EPHA6: variants seen among roughly 807,000 people sequenced by gnomAD.
EPHA6 encodes EPH receptor A6.
In EPHA6, 50 loss-of-function variants were observed where a neutral mutation model predicts 112.0. The ratio of observed to expected loss-of-function variants is 0.45; its 90% CI spans 0.36 to 0.56. EPHA6 has a LOEUF of 0.56. Ranked by LOEUF, EPHA6 falls within the 20% of genes least tolerant of loss-of-function variation. The pLI, the probability that EPHA6 is intolerant of heterozygous loss-of-function variation, is 0.00. For missense variants in EPHA6, 1,280 were observed against 1,417.4 expected (o/e 0.90, Z 1.56); for synonymous variants, 529 against 490.7 (o/e 1.08, Z -1.03).
chr3:97,741,476 C>T (rs1051879408), intron 16 of EPHA6, among the ~76,000 whole-genome samples: 4 of 152,114 alleles, frequency 2.6e-5, no homozygotes, highest in African/African-American at 9.7e-5. Context: ...TCAACAATAA[C>T]TATGACTGCC....
At chr3:96,832,812 TAAG>T (rs1461118569) in intron 1 of EPHA6, among the ~76,000 whole-genome samples, 1 of 152,030 alleles carries the variant, frequency 6.6e-6, no homozygotes, top group African/African-American at 2.4e-5. Context: ...AAGAAAAATT[TAAG>T]GAGAAAATTA....
At chr3:97,483,854 T>C in intron 9 of EPHA6, 80 bp from the exon 10 acceptor site, 21 of 1,379,712 alleles carry the variant, frequency 1.5e-5, no homozygotes, top group Non-Finnish European at 1.8e-5. Context: ...CAGTATGTCA[T>C]TTCCGGTTTT....
intron 3 of EPHA6, among the ~76,000 whole-genome samples, chr3:97,143,171 C>A (rs1222998675): frequency 2.0e-5 from 3 of 151,686 alleles, no homozygotes; most frequent in Admixed American, 6.6e-5. Context: ...AATAGACACA[C>A]ACACACACAC....
chr3:97,651,792 T>A (rs748448012), intron 14 of EPHA6, among the ~76,000 whole-genome samples: 1 of 151,970 alleles, frequency 6.6e-6, no homozygotes, highest in Non-Finnish European at 1.5e-5. Flanking sequence ...CCATCTTGCT[T>A]GTACAGAAAA....
At chr3:97,644,774 G>A (rs931911311) in intron 14 of EPHA6, among the ~76,000 whole-genome samples, 86 of 151,616 alleles carry the variant, frequency 5.7e-4, no homozygotes, top group Non-Finnish European at 1.0e-3. Flanking sequence ...AATAACAGGA[G>A]CTGAAATTGT....
chr3:97,656,820 T>C (rs1230289348), intron 14 of EPHA6, among the ~76,000 whole-genome samples: 3 of 151,986 alleles, frequency 2.0e-5, no homozygotes, highest in African/African-American at 7.2e-5. Flanking sequence ...TATTTTCATA[T>C]ATTCATATCA....
chr3:97,511,225 G>GAA, intron 10 of EPHA6, among the ~76,000 whole-genome samples: 1 of 147,202 alleles, frequency 6.8e-6, no homozygotes, highest in East Asian at 2.0e-4. Context: ...ACTGGGGTAT[G>GAA]AAAAAAAAAA....
At chr3:97,586,849 A>C (rs1034408209) in intron 11 of EPHA6, among the ~76,000 whole-genome samples, 6 of 152,208 alleles carry the variant, frequency 3.9e-5, no homozygotes, top group African/African-American at 1.4e-4. Context: ...TGCGCTTTGA[A>C]GTTATTCTTA....
At chr3:97,170,959 GTGTATCACTATGAAGTCAAAACA>G (rs1463825146) in intron 3 of EPHA6, among the ~76,000 whole-genome samples, 1 of 152,090 alleles carries the variant, frequency 6.6e-6, no homozygotes, top group Non-Finnish European at 1.5e-5. Context: ...CATATTGAAT[GTGTATCACTATGAAGTCAAAACA>G]TGTATCACCA....
At chr3:97,608,292 A>G (rs1440937506) in intron 12 of EPHA6, among the ~76,000 whole-genome samples, 1 of 151,266 alleles carries the variant, frequency 6.6e-6, no homozygotes, top group Non-Finnish European at 1.5e-5. Context: ...TATCTCCCAA[A>G]GAGTTATAGG....
At position 97,747,569 on chromosome 3, in the gene EPHA6, T is replaced by C. The variant is rs2035769715; in HGVS notation, c.3275T>C (p.Ile1092Thr). The stretch of plus-strand genomic sequence containing the variant: ...TTTGACCTGATTTCAAGAATGAGCA[T>C]TGAGTAAGTGATACTAGGTTTATTA... ...TTFDLISRMS[I>T]DDIRRIGVIL... is the part of the protein sequence containing the mutation. The change falls in exon 17 of 18, where the codon ATT becomes ACT. Residue 1092 changes from isoleucine to threonine, a missense_variant. Physicochemically the swap from Ile to Thr is moderately conservative, Grantham distance 89 (BLOSUM62 -1). This residue lies in a region of EPHA6 where 145 missense variants were observed against 153.3 expected (regional missense o/e 0.95). Transcript: ENST00000389672. The C allele has an allele frequency of 1.9e-6, 3 of 1,605,254 alleles. No individual in the cohort carries two copies. Among genetic ancestry groups the C allele is most frequent in the Non-Finnish European group, 1.7e-6 (2 of 1,175,760 alleles).
At chr3:96,938,172 GCATTGAAT>G (rs2040712110) in intron 2 of EPHA6, among the ~76,000 whole-genome samples, 1 of 151,948 alleles carries the variant, frequency 6.6e-6, no homozygotes, top group African/African-American at 2.4e-5. Flanking sequence ...GATGGGGATG[GCATTGAAT>G]CTATAAATTA....
chr3:97,587,729 T>C lies in EPHA6; in HGVS notation c.2387-4883T>C, dbSNP rs559909144. 2.6e-5 allele frequency among the ~76,000 whole-genome samples: 4 copies of C among 152,316 alleles called. No individual in the cohort carries two copies. In the South Asian group the frequency reaches 8.3e-4, roughly 32 times the overall value. On this transcript the variant is annotated intron_variant, in intron 11 of 17. Transcript: ENST00000389672. Reference sequence around the variant, plus strand: ...TAATGTGGTTGGTGAATAACACATTTTAGGAGTTGAAGAAATTGATTTTCC... The same window carrying C: ...TAATGTGGTTGGTGAATAACACATTCTAGGAGTTGAAGAAATTGATTTTCC...
chr3:96,946,611 T>G (rs1213731623), intron 2 of EPHA6, among the ~76,000 whole-genome samples: 1 of 152,174 alleles, frequency 6.6e-6, no homozygotes, highest in Non-Finnish European at 1.5e-5. Flanking sequence ...TCTTTACTAT[T>G]GTGAATAGTG....
chr3:97,586,220 C>T (rs2093486180), intron 11 of EPHA6, among the ~76,000 whole-genome samples: 1 of 152,228 alleles, frequency 6.6e-6, no homozygotes, highest in African/African-American at 2.4e-5. Context: ...AGCCATCCCA[C>T]CTCATGCATC....
intron 3 of EPHA6, among the ~76,000 whole-genome samples, chr3:97,047,683 T>C (rs1329472562): frequency 1.2e-5 from 1 of 83,990 alleles, no homozygotes; most frequent in Non-Finnish European, 1.9e-5. Context: ...TTGTAAAATA[T>C]TAATATTTGT....
intron 14 of EPHA6, among the ~76,000 whole-genome samples, chr3:97,699,983 T>G (rs946654262): frequency 2.0e-5 from 3 of 152,222 alleles, no homozygotes; most frequent in Admixed American, 2.0e-4. Context: ...TGATGCTTTA[T>G]TTTGGAAGTA....
chr3:97,654,707 T>C (rs1254983529), intron 14 of EPHA6, among the ~76,000 whole-genome samples: 1 of 151,818 alleles, frequency 6.6e-6, no homozygotes, highest in Non-Finnish European at 1.5e-5. Flanking sequence ...TGGTGTATTT[T>C]AAAACTAGTA....
chr3:97,161,123 A>C (rs1194164722), intron 3 of EPHA6, among the ~76,000 whole-genome samples: 2 of 152,064 alleles, frequency 1.3e-5, no homozygotes, highest in Non-Finnish European at 2.9e-5. Flanking sequence ...TGCATGCCCA[A>C]CTTTATGGCT....
Sources: allele counts gnomAD v4.1 joint callset (sites outside exome capture counted in the v4.1 genomes callset), GRCh38; gene constraint gnomAD v4.1.1; regional missense constraint gnomAD v4.1.1; transcripts MANE v1.5; gene names NCBI Gene and HGNC (gene_info 2026-07-23, HGNC 2026-07-21).